Variants in MLPH observed in about 807,000 individuals in gnomAD.
The protein encoded by MLPH is exophilin-3.
A neutral mutation model predicts 72.1 loss-of-function variants in MLPH; 51 were observed. That is an observed-to-expected ratio of 0.71 (90% CI 0.56 to 0.89). MLPH has a LOEUF of 0.89. Ranked by LOEUF, MLPH falls within the 40% of genes least tolerant of loss-of-function variation. MLPH has a pLI of 0.00. For missense variants in MLPH, 743 were observed against 759.9 expected, an observed-to-expected ratio of 0.98 and a Z score of 0.26; for synonymous variants, 301 against 310.1, an observed-to-expected ratio of 0.97 and a Z score of 0.31.
At chr2:237,513,706 C>T (rs539106941) in intron 4 of MLPH, among the ~76,000 whole-genome samples, 1 of 152,042 alleles carries the variant, frequency 6.6e-6, no homozygotes, top group South Asian at 2.1e-4. Flanking sequence ...TTGTGGGGGC[C>T]GGGGACATCA....
rs1446154788 is a variant in MLPH, at chr2:237,527,288, T to A, written c.881-89T>A. ...AACATCCTTATGTCTTCATTTTCTT[T>A]GAGCCTCATTTTTCTTCATTGGACT... On this transcript the variant is annotated intron_variant, in intron 7 of 15. Transcript: ENST00000264605. The A allele has an allele frequency of 3.3e-6, 5 of 1,537,762 alleles. No homozygotes were observed. The South Asian group carries it at 4.5e-5, about 14-fold the overall frequency.
Position 237,522,296 on chromosome 2 carries a change from G to A in MLPH, c.675+2267G>A, listed in dbSNP as rs1482732528. On this transcript the variant is annotated intron_variant, in intron 6 of 15. Transcript: ENST00000264605. ...CCTGCTACAACTATAGTGCTGGAGCGGAGCAGGGCTGAGACTGGGGTTGGG... is the reference window on the plus strand; with the variant it reads ...CCTGCTACAACTATAGTGCTGGAGCAGAGCAGGGCTGAGACTGGGGTTGGG... Among the ~76,000 whole-genome samples the A allele has an allele frequency of 5.0e-5, 4 of 79,302 alleles. 1 individual carries two copies. Among genetic ancestry groups the A allele is most frequent in the Non-Finnish European group, 7.8e-5 (3 of 38,546 alleles). 52.0% of individuals were successfully genotyped at this position (79,302 alleles called of 152,430 possible).
Position 237,499,812 on chromosome 2 carries a change from A to C in MLPH, c.110+6276A>C, listed in dbSNP as rs188989189. Among the ~76,000 whole-genome samples, 5 of 152,150 alleles carry C rather than the reference A, an allele frequency of 3.3e-5. No homozygotes were observed. The East Asian group carries it at 9.7e-4, about 29-fold the overall frequency. ...CAGGCTGGAGTGCAGTGGCGTGATC[A>C]TGGCTCACTGCAGCCTCGACCTCCC... On this transcript the variant is annotated intron_variant, in intron 2 of 15. Transcript: ENST00000264605.
At chr2:237,528,271 G>A (rs2080346210) in intron 8 of MLPH, among the ~76,000 whole-genome samples, 1 of 152,024 alleles carries the variant, frequency 6.6e-6, no homozygotes, top group African/African-American at 2.4e-5. Flanking sequence ...ATTTTTATAT[G>A]TATTTTATAA....
intron 8 of MLPH, among the ~76,000 whole-genome samples, chr2:237,528,636 C>T (rs756047266): frequency 6.6e-6 from 1 of 152,184 alleles, no homozygotes; most frequent in Non-Finnish European, 1.5e-5. Flanking sequence ...CAAGCGTGAG[C>T]CACTGTGACG....
Position 237,540,420 on chromosome 2 carries a change from A to G in MLPH, c.1177A>G (p.Thr393Ala). ...CCTGAGGAGGAAGCTGGAGGAGCTGACCAGCAACGTCAGTGACCAGGAGAC... is the reference window on the plus strand; with the variant it reads ...CCTGAGGAGGAAGCTGGAGGAGCTGGCCAGCAACGTCAGTGACCAGGAGAC... ...EALRRKLEEL[T>A]SNVSDQETSS... Residue 393 changes from threonine to alanine, a missense_variant, in exon 10 of 16, where the codon ACC becomes GCC. Thr to Ala is a moderately conservative substitution (Grantham distance 58, BLOSUM62 0). Transcript: ENST00000264605. 1 of 1,613,568 alleles carries G rather than the reference A, an allele frequency of 6.2e-7. No individual in the cohort carries two copies. The highest frequency in any genetic ancestry group is 8.5e-7 in the Non-Finnish European group (1 of 1,179,884).
chr2:237,544,383 G>T (rs1184448759), intron 12 of MLPH, among the ~76,000 whole-genome samples: 12 of 22,828 alleles, frequency 5.3e-4, no homozygotes, highest in Admixed American at 9.4e-4. Context: ...CGTGGTGAGT[G>T]GGGGCACAGT....
At chr2:237,548,135 G>T (rs2080957495) in intron 13 of MLPH, among the ~76,000 whole-genome samples, 1 of 152,208 alleles carries the variant, frequency 6.6e-6, no homozygotes. Context: ...AGGGCAGGGG[G>T]TGAGCTTGAT....
chr2:237,509,210 C>A (rs559418730), intron 2 of MLPH, among the ~76,000 whole-genome samples: 6 of 152,302 alleles, frequency 3.9e-5, no homozygotes, highest in South Asian at 4.2e-4. Context: ...CAGTACAGTT[C>A]TCCTTTCCCC....
rs1195240488 is a variant in MLPH at position 237,525,820 on chromosome 2, C to T, written c.880+15C>T. On this transcript the variant is annotated intron_variant, in intron 7 of 15. Coordinates refer to ENST00000264605, the MANE Select transcript of MLPH (RefSeq NM_024101.7). ...TGCTGCACTCGGTAGGTGCCCTTGGCCAGGGTCTTCCTGATGGGCTCGGCA... is the reference window on the plus strand; with the variant it reads ...TGCTGCACTCGGTAGGTGCCCTTGGTCAGGGTCTTCCTGATGGGCTCGGCA... 1 of 1,608,192 alleles carries T rather than the reference C, an allele frequency of 6.2e-7. No homozygotes were observed. The highest frequency in any genetic ancestry group is 8.5e-7 in the Non-Finnish European group (1 of 1,179,348).
chr2:237,522,111 G>A (rs1460367803), intron 6 of MLPH, among the ~76,000 whole-genome samples: 2 of 89,874 alleles, frequency 2.2e-5, no homozygotes, highest in Non-Finnish European at 4.3e-5. Flanking sequence ...TAGTGCTGGA[G>A]CGGAGCAGGG....
chr2:237,519,786 C>T lies in MLPH; in HGVS notation c.556-124C>T, dbSNP rs373593491. The T allele has an allele frequency of 8.6e-6, 12 of 1,389,168 alleles. No homozygotes were observed. The African/African-American group carries it at 1.6e-4, about 18-fold the overall frequency. The allele number at this position is 1,389,168 out of a possible 1,614,324, so 86.1% of individuals were successfully genotyped here. A position where few individuals can be genotyped will look rare whatever the true frequency, so the allele number is the denominator to read the frequency against. On this transcript the variant is annotated intron_variant, in intron 5 of 15. Transcript: ENST00000264605. ...GTTCCTAGTGGAGGGGGTGGATGTG[C>T]TGGGAGAGGAGCCTGCCCCGCCCCT... is the stretch of plus-strand genomic sequence containing the variant.
chr2:237,520,865 C>T (rs2080167721), intron 6 of MLPH, among the ~76,000 whole-genome samples: 1 of 152,048 alleles, frequency 6.6e-6, no homozygotes, highest in East Asian at 1.9e-4. Context: ...TTGTGAATAG[C>T]CTTGAGTTGG....
chr2:237,494,825 T>G (rs1260487089), intron 2 of MLPH, among the ~76,000 whole-genome samples: 1 of 152,156 alleles, frequency 6.6e-6, no homozygotes, highest in African/African-American at 2.4e-5. Context: ...TTCGTAAAGG[T>G]GAAGCTTCAT....
At chr2:237,490,024 G>A (rs6717096) in intron 1 of MLPH, among the ~76,000 whole-genome samples, 90 of 152,248 alleles carry the variant, frequency 5.9e-4, no homozygotes, top group African/African-American at 2.1e-3. Context: ...AAATATGATC[G>A]AATCTGAGCA....
intron 9 of MLPH, among the ~76,000 whole-genome samples, chr2:237,540,016 T>G (rs1343597498): frequency 6.6e-6 from 1 of 152,196 alleles, no homozygotes; most frequent in African/African-American, 2.4e-5. Flanking sequence ...CCCTCTCTCC[T>G]CATCCCTAGA....
chr2:237,545,256 A>G (rs76469876), intron 12 of MLPH, among the ~76,000 whole-genome samples: 1,488 of 147,622 alleles, frequency 0.01, 12 homozygotes, highest in East Asian at 0.04. Context: ...GAGTGAGGGG[A>G]ACACAGCAAC....
At position 237,540,793 on chromosome 2, in the gene MLPH, CTT is replaced by C. The variant is rs1221549046; in HGVS notation, c.1291-7_1291-6del. On this transcript the variant is annotated splice_polypyrimidine_tract_variant and splice_region_variant and intron_variant, in intron 10 of 15. Transcript: ENST00000264605. Reference sequence around the variant, plus strand: ...GCTGCTGGTCAGCCTCCGTCCTTCTCTTTCCTAGGTGGGCACGGCTGCCCATC... The same window carrying C: ...GCTGCTGGTCAGCCTCCGTCCTTCTCTCCTAGGTGGGCACGGCTGCCCATC... 1 of 1,612,814 alleles carries C rather than the reference CTT, an allele frequency of 6.2e-7. No homozygotes were observed. The highest frequency in any genetic ancestry group is 8.5e-7 in the Non-Finnish European group (1 of 1,179,892).
rs769852497 is a variant in MLPH, at chr2:237,540,453, G to C, written c.1210G>C (p.Glu404Gln). 6.2e-7 allele frequency: 1 copy of C among 1,612,832 alleles called. No individual in the cohort carries two copies. ...CGTCAGTGACCAGGAGACCTCGTCC[G>C]AGGAGGAGGAAGCCAAGGACGAAAA... ...SNVSDQETSS[E>Q]EEEAKDEKAE... Residue 404 changes from glutamate (E) to glutamine (Q), a missense_variant, in exon 10 of 16, where the codon GAG becomes CAG. By Grantham distance (29) the Glu-to-Gln change is conservative. Transcript: ENST00000264605.
Sources: gnomAD v4.1 joint callset for allele counts (sites outside exome capture counted in the v4.1 genomes callset) on GRCh38, gnomAD v4.1.1 for gene constraint, MANE v1.5 for transcripts, NCBI Gene and HGNC (gene_info 2026-07-23, HGNC 2026-07-21) for gene names.